SNX25: variants seen among roughly 807,000 people sequenced by gnomAD.
SNX25 encodes sorting nexin-25.
SNX25 carries 62 observed loss-of-function variants against 113.7 expected under a neutral mutation model. The observed-to-expected ratio is 0.55, with a 90% CI of 0.44 to 0.67. SNX25 has a LOEUF of 0.67. Ranked by LOEUF, SNX25 falls within the 30% of genes least tolerant of loss-of-function variation. The pLI is 0.00. For missense variants in SNX25, 1,014 were observed against 1,161.0 expected (o/e 0.87, Z 1.84); for synonymous variants, 421 against 436.2 (o/e 0.97, Z 0.43).
chr4:185,266,707 C>T (rs1748139960), intron 4 of SNX25, among the ~76,000 whole-genome samples: 1 of 152,092 alleles, frequency 6.6e-6, no homozygotes, highest in Non-Finnish European at 1.5e-5. Flanking sequence ...AAATGACTTC[C>T]CTTCATGATT....
At chr4:185,376,613 A>G in the SNX25 span, among the ~76,000 whole-genome samples, 92 of 152,276 alleles carry the variant, frequency 6.0e-4, no homozygotes, top group Non-Finnish European at 1.1e-3. Context: ...AATTTGTATT[A>G]TTAAATATTT....
chr4:185,315,813 C>A (rs1422694796), intron 7 of SNX25, among the ~76,000 whole-genome samples: 1 of 152,180 alleles, frequency 6.6e-6, no homozygotes, highest in Non-Finnish European at 1.5e-5. Context: ...ATTCAACAAT[C>A]TGTAATTCAC....
chr4:185,221,732 C>T (rs1408108674), intron 1 of SNX25, among the ~76,000 whole-genome samples: 3 of 152,116 alleles, frequency 2.0e-5, no homozygotes, highest in Non-Finnish European at 1.5e-5. Context: ...ACTCCTCATG[C>T]TCCACCCTCA....
At position 185,251,272 on chromosome 4, in the gene SNX25, G is replaced by A. The variant is rs529084045; in HGVS notation, c.514+3894G>A. 6.6e-5 allele frequency among the ~76,000 whole-genome samples: 10 copies of A among 152,254 alleles called. 1 individual carries two copies. Among genetic ancestry groups the A allele is most frequent in the African/African-American group, 2.2e-4 (9 of 41,556 alleles). ...GGCCTCTCAAAGTGCTGGGATTATA[G>A]GCATGAGCCCCCGCACCCGGCCTTA... On this transcript the variant is annotated intron_variant, in intron 2 of 18. Coordinates refer to ENST00000652585, the MANE Select transcript of SNX25 (RefSeq NM_001378034.2).
At chr4:185,362,826 A>G (rs746069071) in intron 18 of SNX25, 115 bp downstream of exon 18, 7 of 571,422 alleles carry the variant, frequency 1.2e-5, no homozygotes, top group Non-Finnish European at 2.1e-5. Flanking sequence ...CATACTAGTC[A>G]TCTCCCTTGA....
intron 5 of SNX25, among the ~76,000 whole-genome samples, chr4:185,273,203 T>C (rs1027996415): frequency 2.6e-5 from 4 of 152,234 alleles, no homozygotes; most frequent in Admixed American, 2.6e-4. Context: ...ATCCAAAGTA[T>C]AGCAGTTTTT....
In SNX25 at chr4:185,232,906, A is replaced by G. The variant is rs1183043705; in HGVS notation, c.430-14388A>G. Among the ~76,000 whole-genome samples, 3 of 152,262 alleles carry G rather than the reference A, an allele frequency of 2.0e-5. No individual in the cohort carries two copies. Among genetic ancestry groups the G allele is most frequent in the Non-Finnish European group, 4.4e-5 (3 of 68,052 alleles). The stretch of plus-strand genomic sequence containing the variant: ...TGAAATGTAGAGAGCATGCCAGAAT[A>G]GGAAGAATATTAGAATTCCTAAGCC... On this transcript the variant is annotated intron_variant, in intron 1 of 18. Coordinates refer to ENST00000652585, the MANE Select transcript of SNX25 (RefSeq NM_001378034.2). This position sits in a 1 kb window ranked among gnomAD's most constrained non-coding sequence, Gnocchi z 4.4.
chr4:185,362,135 A>T (rs775997428), intron 17 of SNX25, 30 bp downstream of exon 17: 3 of 1,579,982 alleles, frequency 1.9e-6, no homozygotes, highest in East Asian at 4.6e-5. Flanking sequence ...CCTGAAAAGC[A>T]TAGAGATCTG....
At chr4:185,345,850 T>A (rs1438099544) in intron 12 of SNX25, among the ~76,000 whole-genome samples, 1 of 151,750 alleles carries the variant, frequency 6.6e-6, no homozygotes, top group Non-Finnish European at 1.5e-5. Context: ...TTTGTTCCCA[T>A]TGTTTTCTTT....
chr4:185,244,171 A>G (rs1428230445), intron 1 of SNX25, among the ~76,000 whole-genome samples: 1 of 152,040 alleles, frequency 6.6e-6, no homozygotes, highest in Non-Finnish European at 1.5e-5. Flanking sequence ...CTAATTTTTT[A>G]AATTTTAGAT....
At chr4:185,375,944 T>G in the SNX25 span, among the ~76,000 whole-genome samples, 1 of 151,972 alleles carries the variant, frequency 6.6e-6, no homozygotes, top group Admixed American at 6.6e-5. Flanking sequence ...TCAGCAAACA[T>G]TTGTTGCCAG....
intron 1 of SNX25, among the ~76,000 whole-genome samples, chr4:185,246,102 A>G (rs1744831026): frequency 6.6e-6 from 1 of 152,158 alleles, no homozygotes; most frequent in African/African-American, 2.4e-5. Flanking sequence ...CCTGGCCAAC[A>G]TGGGAAAAAC....
the SNX25 span, chr4:185,376,991 T>A: frequency 1.2e-6 from 2 of 1,613,460 alleles, no homozygotes; most frequent in Non-Finnish European, 8.5e-7. Context: ...CTGCAATGCC[T>A]TATCCACCAA....
chr4:185,271,818 G>A (rs1259007198), intron 5 of SNX25, among the ~76,000 whole-genome samples: 4 of 152,168 alleles, frequency 2.6e-5, no homozygotes, highest in South Asian at 4.1e-4. Flanking sequence ...GGCGGAATGC[G>A]CTAAAAACAA....
rs553957719 is a variant in SNX25, at chr4:185,286,798, C to T, written c.1092-1214C>T. Reference sequence around the variant, plus strand: ...GCTCCTGACAGCCTGCTCTGAGGTCCTGAGAGTCAGCCACTGATGTTTATA... The same window carrying T: ...GCTCCTGACAGCCTGCTCTGAGGTCTTGAGAGTCAGCCACTGATGTTTATA... On this transcript the variant is annotated intron_variant, in intron 5 of 18. Coordinates refer to ENST00000652585, the MANE Select transcript of SNX25 (RefSeq NM_001378034.2). Among the ~76,000 whole-genome samples, 6 of 152,272 alleles carry T rather than the reference C, an allele frequency of 3.9e-5. No individual in the cohort carries two copies. The South Asian group carries it at 1.2e-3, about 32-fold the overall frequency.
At chr4:185,322,487 T>C (rs2095128290) in intron 8 of SNX25, among the ~76,000 whole-genome samples, 1 of 152,218 alleles carries the variant, frequency 6.6e-6, no homozygotes, top group Non-Finnish European at 1.5e-5. Flanking sequence ...CTCATTTTCA[T>C]ATGAATGTTG....
chr4:185,241,238 G>C (rs1277775858), intron 1 of SNX25, among the ~76,000 whole-genome samples: 1 of 152,198 alleles, frequency 6.6e-6, no homozygotes. Flanking sequence ...CACCTCAGGA[G>C]GCCGAGGCTG....
At chr4:185,370,759 A>C, downstream of SNX25, 1 of 1,614,158 alleles carries the variant, frequency 6.2e-7, no homozygotes, top group African/African-American at 1.3e-5. Flanking sequence ...TCCGGGAGAC[A>C]GTCTGTGACC....
At chr4:185,358,208 TGTTA>T (rs1412341747) in intron 16 of SNX25, among the ~76,000 whole-genome samples, 1 of 152,236 alleles carries the variant, frequency 6.6e-6, no homozygotes, top group Non-Finnish European at 1.5e-5. Context: ...TAACTCTTCT[TGTTA>T]GTTAATATCT....
Sources: allele counts gnomAD v4.1 joint callset (sites outside exome capture counted in the v4.1 genomes callset), GRCh38; gene constraint gnomAD v4.1.1; non-coding constraint Gnocchi (gnomAD v3.1); transcripts MANE v1.5; gene names NCBI Gene and HGNC (gene_info 2026-07-23, HGNC 2026-07-21).